The following WARS2 variants were observed in gnomAD, a reference collection of about 807,000 sequenced individuals.
WARS2 encodes tryptophan--tRNA ligase, mitochondrial.
Under a neutral mutation model 36.5 loss-of-function variants are expected in WARS2, and 28 were observed. The ratio of observed to expected loss-of-function variants is 0.77; its 90% CI spans 0.57 to 1.05. WARS2 has a LOEUF of 1.05. Among genes scored for constraint, WARS2 ranks in the 50% least tolerant of loss-of-function variants. The probability of loss-of-function intolerance (pLI) is 0.00; values close to 1 mark genes in which losing one functional copy is unlikely to be tolerated. For synonymous variants in WARS2, 174 were observed against 178.4 expected, an observed-to-expected ratio of 0.98 and a Z score of 0.20; for missense variants, 435 against 456.8, an observed-to-expected ratio of 0.95 and a Z score of 0.44.
Position 119,050,683 on chromosome 1 carries a change from T to G in WARS2, c.349-5021A>C, listed in dbSNP as rs570061604. ...CATGAATAACAAAAACATACTAGTG[T>G]GTGAAAAAAAACTGCAAAAAAGTAC... On this transcript the variant is annotated intron_variant, in intron 2 of 5. Coordinates refer to ENST00000235521, the MANE Select transcript of WARS2 (RefSeq NM_015836.4). Among the ~76,000 whole-genome samples, 11 of 152,056 alleles carry G rather than the reference T, an allele frequency of 7.2e-5. No individual in the cohort carries two copies. In the East Asian group the frequency reaches 2.1e-3, roughly 29 times the overall value.
intron 1 of WARS2, among the ~76,000 whole-genome samples, chr1:119,107,373 C>A (rs1273323706): frequency 1.3e-5 from 2 of 152,082 alleles, no homozygotes; most frequent in Non-Finnish European, 2.9e-5. Context: ...GTCATGTAAA[C>A]TTTATCCTAT....
In WARS2 at chr1:119,140,618, C is replaced by T. The variant is rs587745035; in HGVS notation, c.27G>A (p.Ala9=). Residue 9 remains alanine (A), a synonymous_variant, in exon 1 of 6, where the codon GCG becomes GCA. Coordinates refer to ENST00000235521, the MANE Select transcript of WARS2 (RefSeq NM_015836.4). MALHSMRK[A]RERWSFIRAL... ...CCCGGATGAAGCTCCAGCGCTCACGCGCTTTCCGCATTGAGTGCAGCGCCA... is the reference window on the plus strand; with the variant it reads ...CCCGGATGAAGCTCCAGCGCTCACGTGCTTTCCGCATTGAGTGCAGCGCCA... 3 of 1,613,866 alleles carry T rather than the reference C, an allele frequency of 1.9e-6. No homozygotes were observed. Among genetic ancestry groups the T allele is most frequent in the South Asian group, 1.1e-5 (1 of 91,044 alleles).
chr1:119,091,434 G>A (rs769521385), intron 1 of WARS2, among the ~76,000 whole-genome samples: 18 of 152,164 alleles, frequency 1.2e-4, no homozygotes, highest in Admixed American at 1.1e-3. Flanking sequence ...AACCCAGGTC[G>A]ATTAACTTCA....
intron 2 of WARS2, among the ~76,000 whole-genome samples, chr1:119,073,549 G>A (rs1404407465): frequency 2.6e-5 from 4 of 152,266 alleles, no homozygotes; most frequent in Non-Finnish European, 5.9e-5. Context: ...GTGAGGGATG[G>A]CAGGAGGTGA....
chr1:119,084,128 C>A (rs1652431858), intron 1 of WARS2, among the ~76,000 whole-genome samples: 2 of 151,706 alleles, frequency 1.3e-5, no homozygotes, highest in Admixed American at 6.6e-5. Flanking sequence ...TCAAGCAGTC[C>A]ACCCACCCTC....
rs889289827 is a variant in WARS2, at chr1:119,107,547, CCTTT to C, written c.91-30944_91-30941del. Among the ~76,000 whole-genome samples, 19 of 152,102 alleles carry C rather than the reference CCTTT, an allele frequency of 1.2e-4. No homozygotes were observed. In the East Asian group the frequency reaches 2.3e-3, roughly 19 times the overall value. The stretch of plus-strand genomic sequence containing the variant: ...GAAGACTCTCTCTTCCATTGTATTG[CCTTT>C]CTTTGACTGTAAATATATATACAGT... On this transcript the variant is annotated intron_variant, in intron 1 of 5. Transcript: ENST00000235521.
At chr1:119,085,461 T>C in intron 1 of WARS2, 1 of 1,528,386 alleles carries the variant, frequency 6.5e-7, no homozygotes, top group Non-Finnish European at 8.8e-7. Flanking sequence ...TTTTTCTTTT[T>C]TTCCTTTTTG....
intron 1 of WARS2, among the ~76,000 whole-genome samples, chr1:119,101,755 A>G (rs1405534236): frequency 2.6e-5 from 4 of 152,120 alleles, no homozygotes; most frequent in Non-Finnish European, 5.9e-5. Flanking sequence ...GAACATTCTG[A>G]TGAGGACACA....
chr1:119,116,769 T>C (rs1654998292), intron 1 of WARS2, among the ~76,000 whole-genome samples: 1 of 152,168 alleles, frequency 6.6e-6, no homozygotes. Flanking sequence ...CCTCGCGTTA[T>C]CTCACAGAGG....
intron 1 of WARS2, among the ~76,000 whole-genome samples, chr1:119,122,400 T>C (rs1045142598): frequency 6.6e-6 from 1 of 152,112 alleles, no homozygotes. Flanking sequence ...GTAATAGATG[T>C]TGGCATGGAT....
intron 1 of WARS2, among the ~76,000 whole-genome samples, chr1:119,135,599 G>A (rs1044783569): frequency 6.6e-6 from 1 of 152,074 alleles, no homozygotes; most frequent in African/African-American, 2.4e-5. Context: ...GTTGTATGAA[G>A]TAAATAAGAT....
chr1:119,075,772 G>A (rs373425731), intron 2 of WARS2, among the ~76,000 whole-genome samples: 1 of 152,184 alleles, frequency 6.6e-6, no homozygotes, highest in East Asian at 1.9e-4. Flanking sequence ...TTCATCCATA[G>A]TGAAGATATG....
At chr1:119,064,071 T>C (rs1272398278) in intron 2 of WARS2, 1 of 152,102 alleles carries the variant, frequency 6.6e-6, no homozygotes, top group Non-Finnish European at 1.5e-5. Context: ...GGCTGTACCC[T>C]GCAAAGCCAC....
chr1:119,103,192 G>C (rs1653993202), intron 1 of WARS2, among the ~76,000 whole-genome samples: 1 of 152,154 alleles, frequency 6.6e-6, no homozygotes, highest in Admixed American at 6.6e-5. Flanking sequence ...TTTGTTGGTT[G>C]GTTGGTTGTT....
intron 2 of WARS2, among the ~76,000 whole-genome samples, chr1:119,057,354 C>G (rs1053920077): frequency 6.6e-6 from 1 of 151,586 alleles, no homozygotes; most frequent in African/African-American, 2.4e-5. Flanking sequence ...CCACATTGGC[C>G]AGGCTGGTGT....
At chr1:119,105,129 C>T (rs905160448) in intron 1 of WARS2, among the ~76,000 whole-genome samples, 4 of 152,102 alleles carry the variant, frequency 2.6e-5, no homozygotes, top group Admixed American at 6.5e-5. Context: ...TGTGGACAGA[C>T]TTGACAAATA....
chr1:119,053,927 T>G (rs907190743), intron 2 of WARS2, among the ~76,000 whole-genome samples: 1 of 152,082 alleles, frequency 6.6e-6, no homozygotes, highest in East Asian at 1.9e-4. Context: ...CATAGAGGTA[T>G]GTACCTGTAG....
At chr1:119,067,683 T>C (rs994126186) in intron 2 of WARS2, among the ~76,000 whole-genome samples, 6 of 152,342 alleles carry the variant, frequency 3.9e-5, no homozygotes, top group Admixed American at 2.6e-4. Context: ...ATATATTATC[T>C]TATTTAAATT....
chr1:119,060,629 C>T (rs915010115), intron 2 of WARS2, among the ~76,000 whole-genome samples: 19 of 152,246 alleles, frequency 1.2e-4, no homozygotes, highest in East Asian at 3.9e-4. Flanking sequence ...TAAAAATCAA[C>T]GGCCTGAAGG....
Sources: allele counts gnomAD v4.1 joint callset (sites outside exome capture counted in the v4.1 genomes callset), GRCh38; gene constraint gnomAD v4.1.1; transcripts MANE v1.5; gene names NCBI Gene and HGNC (gene_info 2026-07-23, HGNC 2026-07-21).